GRB10: variants seen among roughly 807,000 people sequenced by gnomAD.
GRB10 encodes growth factor receptor bound protein 10, also known as growth factor receptor-bound protein 10.
Under a neutral mutation model 80.9 loss-of-function variants are expected in GRB10, and 20 were observed. The ratio of observed to expected loss-of-function variants is 0.25; its 90% CI spans 0.17 to 0.36. The LOEUF (loss-of-function observed/expected upper bound fraction) is 0.36. Among genes scored for constraint, GRB10 ranks in the 10% least tolerant of loss-of-function variants. The pLI, the probability that GRB10 is intolerant of heterozygous loss-of-function variation, is 1.00. For missense variants in GRB10, 548 were observed against 747.7 expected (o/e 0.73, Z 3.12); for synonymous variants, 291 against 291.5 (o/e 1.00, Z 0.02).
chr7:50,787,892 A>G (rs1039983619), upstream of GRB10, among the ~76,000 whole-genome samples: 1 of 152,210 alleles, frequency 6.6e-6, no homozygotes, highest in Non-Finnish European at 1.5e-5. Context: ...GGCCAGGGTG[A>G]AAAGATGGGC....
intron 7 of GRB10, among the ~76,000 whole-genome samples, chr7:50,628,137 T>C (rs2053315492): frequency 6.6e-6 from 1 of 152,212 alleles, no homozygotes; most frequent in South Asian, 2.1e-4. Flanking sequence ...TGCTTTCCCA[T>C]GGCAGTGAAA....
rs116000895 is a variant in GRB10 at position 50,778,274 on chromosome 7, A to G, written c.-217+2353T>C. Among the ~76,000 whole-genome samples, 274 of 152,332 alleles carry G rather than the reference A, an allele frequency of 1.8e-3. 1 individual carries two copies. The highest frequency in any genetic ancestry group is 6.3e-3 in the African/African-American group (263 of 41,584). ...TATCTAATCCAAAGTTTCCTCACTT[A>G]TTTGGCAATAAATTATTAGCTCCTG... is the stretch of plus-strand genomic sequence containing the variant. On this transcript the variant is annotated intron_variant, in intron 2 of 18. Transcript: ENST00000401949.
intron 4 of GRB10, among the ~76,000 whole-genome samples, chr7:50,706,832 A>C (rs1480276057): frequency 6.6e-6 from 1 of 152,156 alleles, no homozygotes; most frequent in Admixed American, 6.5e-5. Context: ...CTCTGAGTCA[A>C]TCTGCTCATC....
rs150485528 is a variant in GRB10 at position 50,678,886 on chromosome 7, G to A, written c.140-4228C>T. ...AAAGGCCTTCTGCCACGTAACAGAA[G>A]TGGGAGAAACAAGTAAACAAATGCT... On this transcript the variant is annotated intron_variant, in intron 5 of 18. Transcript: ENST00000401949. 9.2e-3 allele frequency among the ~76,000 whole-genome samples: 1,396 copies of A among 152,350 alleles called. 12 individuals are homozygous for A. The highest frequency in any genetic ancestry group is 0.024 in the Middle Eastern group (7 of 294).
At position 50,751,763 on chromosome 7, in the gene GRB10, A is replaced by G. The variant is rs536944869; in HGVS notation, c.-47+4124T>C. Among the ~76,000 whole-genome samples the G allele has an allele frequency of 5.6e-4, 86 of 152,376 alleles. 1 individual carries two copies. The highest frequency in any genetic ancestry group is 2.0e-3 in the African/African-American group (82 of 41,594). On this transcript the variant is annotated intron_variant, in intron 3 of 18. Transcript: ENST00000401949. The stretch of plus-strand genomic sequence containing the variant: ...AAAAGAATGAAAACAATTTGGGGGC[A>G]GGTGGATAGCAAGGAATTTGGTGAC...
chr7:50,653,625 G>A (rs2058275484), intron 7 of GRB10, among the ~76,000 whole-genome samples: 1 of 149,958 alleles, frequency 6.7e-6, no homozygotes. Flanking sequence ...AGCCCTCTGA[G>A]TTCTCCCACA....
intron 7 of GRB10, among the ~76,000 whole-genome samples, chr7:50,628,604 CG>C (rs1378047176): frequency 5.3e-5 from 8 of 152,056 alleles, no homozygotes; most frequent in Admixed American, 5.2e-4. Flanking sequence ...TCAGCGAGAG[CG>C]GAAGAGCCCT....
At chr7:50,763,371 G>A (rs896708415) in intron 2 of GRB10, among the ~76,000 whole-genome samples, 1 of 152,220 alleles carries the variant, frequency 6.6e-6, no homozygotes, top group African/African-American at 2.4e-5. Context: ...GGACTACCCA[G>A]AGTTGAGGAT....
intron 2 of GRB10, among the ~76,000 whole-genome samples, chr7:50,778,881 C>T (rs1350356611): frequency 6.6e-6 from 1 of 152,176 alleles, no homozygotes; most frequent in African/African-American, 2.4e-5. Flanking sequence ...GCTTCCAAAT[C>T]CGCTCAAGAT....
At chr7:50,606,017 C>T (rs536524549) in intron 14 of GRB10, among the ~76,000 whole-genome samples, 14 of 152,224 alleles carry the variant, frequency 9.2e-5, no homozygotes, top group East Asian at 1.9e-4. Context: ...GGAACAAAAG[C>T]GAAAGGCAGG....
At chr7:50,700,628 G>A (rs1471686096) in intron 5 of GRB10, among the ~76,000 whole-genome samples, 1 of 152,042 alleles carries the variant, frequency 6.6e-6, no homozygotes, top group Non-Finnish European at 1.5e-5. Flanking sequence ...CACCTTTGCA[G>A]CATTGTATGA....
intron 1 of GRB10, among the ~76,000 whole-genome samples, chr7:50,781,764 G>A (rs2078305340): frequency 6.6e-6 from 1 of 152,220 alleles, no homozygotes; most frequent in Non-Finnish European, 1.5e-5. Context: ...GCAAGGGCTA[G>A]GACGTCCTAC....
intron 3 of GRB10, among the ~76,000 whole-genome samples, chr7:50,748,489 C>G (rs2073422492): frequency 6.6e-6 from 1 of 152,216 alleles, no homozygotes; most frequent in South Asian, 2.1e-4. Flanking sequence ...GAGGCAAAGG[C>G]ACACACAACA....
intron 4 of GRB10, 40 bp from the exon 5 acceptor site, chr7:50,703,948 C>T: frequency 1.4e-6 from 2 of 1,387,244 alleles, no homozygotes; most frequent in Non-Finnish European, 1.0e-6. Context: ...TGTGAGTTCA[C>T]AAGAAGCATC....
intron 4 of GRB10, among the ~76,000 whole-genome samples, chr7:50,723,577 A>T (rs1376622822): frequency 6.6e-6 from 1 of 152,202 alleles, no homozygotes; most frequent in Admixed American, 6.5e-5. Context: ...TTAGCGATCC[A>T]GCCCCTTGGA....
chr7:50,614,160 T>C (rs1477441923), intron 12 of GRB10, among the ~76,000 whole-genome samples: 1 of 152,232 alleles, frequency 6.6e-6, no homozygotes, highest in African/African-American at 2.4e-5. Context: ...TGTGTGTCTA[T>C]GTACATGTGT....
At chr7:50,768,776 G>C (rs1261275068) in intron 2 of GRB10, among the ~76,000 whole-genome samples, 3 of 152,198 alleles carry the variant, frequency 2.0e-5, no homozygotes, top group African/African-American at 7.2e-5. Flanking sequence ...TTCTGGAGGA[G>C]CTTGTTCACA....
At chr7:50,785,512 G>A (rs375717013), upstream of GRB10, among the ~76,000 whole-genome samples, 37 of 152,338 alleles carry the variant, frequency 2.4e-4, no homozygotes, top group African/African-American at 6.5e-4. Flanking sequence ...CCATGGTGAC[G>A]GGCACTGACA....
chr7:50,732,760 A>C (rs2070064052), intron 3 of GRB10, among the ~76,000 whole-genome samples: 1 of 152,188 alleles, frequency 6.6e-6, no homozygotes, highest in Admixed American at 6.5e-5. Flanking sequence ...ATTCCAAAGA[A>C]GCCCAGAAGG....
Sources: gnomAD v4.1 joint callset for allele counts (sites outside exome capture counted in the v4.1 genomes callset) on GRCh38, gnomAD v4.1.1 for gene constraint, MANE v1.5 for transcripts, NCBI Gene and HGNC (gene_info 2026-07-23, HGNC 2026-07-21) for gene names.